SORCS1: variants seen among roughly 807,000 people sequenced by gnomAD.
SORCS1 encodes VPS10 domain-containing receptor SorCS1.
SORCS1 carries 60 observed loss-of-function variants against 146.1 expected under a neutral mutation model. That is an observed-to-expected ratio of 0.41 (90% CI 0.33 to 0.51). The LOEUF (loss-of-function observed/expected upper bound fraction) is 0.51, where lower values mean the gene tolerates loss of function less well. SORCS1 is among the 20% of genes least tolerant of loss of function. The pLI is 0.21. For synonymous variants in SORCS1, 637 were observed against 584.0 expected (o/e 1.09, Z -1.31); for missense variants, 1,352 against 1,487.6 (o/e 0.91, Z 1.50).
At chr10:106,829,195 C>T (rs1948429433) in intron 3 of SORCS1, among the ~76,000 whole-genome samples, 2 of 152,180 alleles carry the variant, frequency 1.3e-5, no homozygotes, top group South Asian at 2.1e-4. Flanking sequence ...TCTATTTGTT[C>T]CATGTCAAGG....
At chr10:106,839,416 G>A (rs4918261) in intron 2 of SORCS1, among the ~76,000 whole-genome samples, 4,295 of 152,250 alleles carry the variant, frequency 0.028, 152 homozygotes, top group African/African-American at 0.08. Flanking sequence ...GAGCAAGGCC[G>A]TAATTTTCCT....
At chr10:106,603,064 T>C (rs531407498) in intron 23 of SORCS1, among the ~76,000 whole-genome samples, 1 of 152,304 alleles carries the variant, frequency 6.6e-6, no homozygotes, top group Admixed American at 6.5e-5. Context: ...GATGTTCTAA[T>C]GTCCTTTAAG....
At chr10:107,152,349 A>G (rs1231522972) in intron 1 of SORCS1, among the ~76,000 whole-genome samples, 1 of 152,206 alleles carries the variant, frequency 6.6e-6, no homozygotes, top group Admixed American at 6.5e-5. Flanking sequence ...GTCCCCATGC[A>G]AAGTCCCCAT....
At chr10:106,709,540 C>T (rs1159569522) in intron 6 of SORCS1, among the ~76,000 whole-genome samples, 199 bp from the exon 7 acceptor site, 3 of 151,392 alleles carry the variant, frequency 2.0e-5, no homozygotes, top group Non-Finnish European at 4.4e-5. Context: ...GCTCCGCCTC[C>T]CGGGTTCACG....
intron 24 of SORCS1, among the ~76,000 whole-genome samples, chr10:106,588,243 G>A (rs1845363392): frequency 6.6e-6 from 1 of 152,136 alleles, no homozygotes. Flanking sequence ...AGATTCAGGG[G>A]CATGTTTCAT....
chr10:107,036,455 A>T (rs1450902965), intron 1 of SORCS1, among the ~76,000 whole-genome samples: 1 of 152,186 alleles, frequency 6.6e-6, no homozygotes, highest in South Asian at 2.1e-4. Flanking sequence ...AACCAGTGCC[A>T]GTATTCTCTA....
In SORCS1 at chr10:106,731,292, CAAAAAAAAAAA is replaced by C. The variant is rs57238882; in HGVS notation, c.960-1189_960-1179del. 2.9e-4 allele frequency among the ~76,000 whole-genome samples: 7 copies of C among 23,760 alleles called. 2 individuals are homozygous for C. The highest frequency in any genetic ancestry group is 4.3e-3 in the South Asian group (2 of 462). The allele number at this position is 23,760 out of a possible 152,430, so 15.6% of individuals were successfully genotyped here. ...TGGGTGACGGAGTGAGACTCCGTCT[CAAAAAAAAAAA>C]AAAAAAAAAAAAAAAAAAGTACTTA... On this transcript the variant is annotated intron_variant, in intron 5 of 25. Coordinates refer to ENST00000263054, the MANE Select transcript of SORCS1 (RefSeq NM_052918.5).
intron 3 of SORCS1, among the ~76,000 whole-genome samples, chr10:106,829,088 T>C (rs1948422162): frequency 6.6e-6 from 1 of 152,220 alleles, no homozygotes; most frequent in African/African-American, 2.4e-5. Flanking sequence ...CTAAATGCAC[T>C]GCATTCATCC....
intron 21 of SORCS1, among the ~76,000 whole-genome samples, chr10:106,614,873 T>G (rs1005569090): frequency 1.3e-5 from 2 of 151,706 alleles, no homozygotes; most frequent in Non-Finnish European, 2.9e-5. Context: ...TTGAGAGAGA[T>G]AAAGTCTATA....
chr10:107,102,728 T>G (rs1232630046), intron 1 of SORCS1, among the ~76,000 whole-genome samples: 2 of 152,296 alleles, frequency 1.3e-5, no homozygotes, highest in East Asian at 3.9e-4. Context: ...CCTTTTCTAT[T>G]CTGCTAACTA....
intron 1 of SORCS1, among the ~76,000 whole-genome samples, chr10:107,124,953 C>CTTTTTTTTTTTTTT (rs577523339): frequency 8.2e-6 from 1 of 121,614 alleles, no homozygotes; most frequent in Non-Finnish European, 1.7e-5. Context: ...TTTTCTTTTT[C>CTTTTTTTTTTTTTT]TTTTTTTTTT....
intron 13 of SORCS1, among the ~76,000 whole-genome samples, chr10:106,675,998 C>T (rs1027286580): frequency 2.6e-5 from 4 of 152,094 alleles, no homozygotes; most frequent in African/African-American, 4.8e-5. Context: ...AATTAATTTC[C>T]GTTGTTTATA....
intron 18 of SORCS1, among the ~76,000 whole-genome samples, chr10:106,630,430 C>T (rs963516165): frequency 4.6e-5 from 7 of 152,142 alleles, no homozygotes; most frequent in African/African-American, 1.4e-4. Context: ...AAGGTTAACA[C>T]AGCTAGTAAG....
At chr10:107,134,786 T>C (rs1468959118) in intron 1 of SORCS1, among the ~76,000 whole-genome samples, 2 of 152,148 alleles carry the variant, frequency 1.3e-5, no homozygotes, top group African/African-American at 4.8e-5. Flanking sequence ...CCCGGAAGGA[T>C]TTTAATGGGA....
At position 106,699,334 on chromosome 10, in the gene SORCS1, G is replaced by T. The variant is rs1169186861; in HGVS notation, c.1293C>A (p.Asn431Lys). ...TGTAGAGGTTGTACGTGTCATTCTG[G>T]TTCCATTCTTGGACCGCTGCGAACA... ...NQVFAAVQEW[N>K]QNDTYNLYIS... Residue 431 changes from asparagine (N) to lysine (K), a missense_variant, in exon 9 of 26, where the codon AAC becomes AAA. Asn to Lys is a moderately conservative substitution (Grantham distance 94). This residue lies in a region of SORCS1 where 648 missense variants were observed against 793.8 expected (regional missense o/e 0.82). Coordinates refer to ENST00000263054, the MANE Select transcript of SORCS1 (RefSeq NM_052918.5). The T allele has an allele frequency of 6.2e-7, 1 of 1,613,820 alleles. No individual in the cohort carries two copies. Among genetic ancestry groups the T allele is most frequent in the Non-Finnish European group, 8.5e-7 (1 of 1,179,896 alleles).
At chr10:106,787,914 T>C (rs1336622) in intron 3 of SORCS1, among the ~76,000 whole-genome samples, 17,111 of 152,242 alleles carry the variant, frequency 0.11, 1,160 homozygotes, top group East Asian at 0.37. Context: ...ATGAAGATAC[T>C]GTCATTTTAA....
At chr10:106,626,144 A>C (rs936888546) in intron 19 of SORCS1, among the ~76,000 whole-genome samples, 1 of 151,562 alleles carries the variant, frequency 6.6e-6, no homozygotes, top group African/African-American at 2.4e-5. Flanking sequence ...TGCACTGGAG[A>C]GTGGTCGGAA....
At chr10:106,840,503 G>A (rs946539986) in intron 2 of SORCS1, among the ~76,000 whole-genome samples, 13 of 44,110 alleles carry the variant, frequency 2.9e-4, no homozygotes, top group Admixed American at 1.8e-3. Flanking sequence ...AATATATTCC[G>A]GTGAATGTGG....
intron 2 of SORCS1, among the ~76,000 whole-genome samples, chr10:106,895,488 G>A (rs1161109900): frequency 2.0e-5 from 3 of 152,124 alleles, no homozygotes; most frequent in African/African-American, 4.8e-5. Flanking sequence ...GCGTGCACCT[G>A]CAGTCCTAGC....
Sources: allele counts gnomAD v4.1 joint callset (sites outside exome capture counted in the v4.1 genomes callset), GRCh38; gene constraint gnomAD v4.1.1; regional missense constraint gnomAD v4.1.1; transcripts MANE v1.5; gene names NCBI Gene and HGNC (gene_info 2026-07-23, HGNC 2026-07-21).